The following RPGR variants were observed in gnomAD, a reference collection of about 807,000 sequenced individuals.
The protein encoded by RPGR is retinitis pigmentosa GTPase regulator, also known as X-linked retinitis pigmentosa GTPase regulator.
Under a neutral mutation model 56.3 loss-of-function variants are expected in RPGR, and 10 were observed. The ratio of observed to expected loss-of-function variants is 0.18; its 90% confidence interval spans 0.11 to 0.30. The LOEUF (loss-of-function observed/expected upper bound fraction) is 0.30, where lower values mean the gene tolerates loss of function less well. Among genes scored for constraint, RPGR ranks in the 10% least tolerant of loss-of-function variants. The probability of loss-of-function intolerance (pLI) is 1.00; values close to 1 mark genes in which losing one functional copy is unlikely to be tolerated. For missense variants in RPGR, 538 were observed against 590.9 expected (o/e 0.91, Z 0.93); for synonymous variants, 197 against 212.9 (o/e 0.93, Z 0.65).
At chrX:38,271,849 C>T (rs1397318665) in intron 18 of RPGR, among the ~76,000 whole-genome samples, 1 of 111,890 alleles carries the variant, frequency 8.9e-6, no homozygotes, top group Non-Finnish European at 1.9e-5. Flanking sequence ...AAGGATGACA[C>T]TGGAATTACT....
chrX:38,325,209 G>T (rs1482993129), intron 1 of RPGR, among the ~76,000 whole-genome samples: 2 of 105,054 alleles, frequency 1.9e-5, no homozygotes, highest in East Asian at 5.9e-4. Flanking sequence ...GCTTTTCTGT[G>T]TTGAAACACA....
At chrX:38,274,615 G>C (rs2066898202) in intron 17 of RPGR, among the ~76,000 whole-genome samples, 1 of 111,637 alleles carries the variant, frequency 9.0e-6, no homozygotes, top group South Asian at 3.8e-4. Flanking sequence ...AGGAGTTTGA[G>C]ACTCGCCTGG....
chrX:38,315,834 T>C (rs199627362), intron 6 of RPGR, among the ~76,000 whole-genome samples: 2 of 88,414 alleles, frequency 2.3e-5, no homozygotes, highest in East Asian at 3.1e-4. Flanking sequence ...TATATATATA[T>C]ATATAGAGAG....
intron 6 of RPGR, among the ~76,000 whole-genome samples, chrX:38,311,143 TTGTGG>T (rs2067709757): frequency 8.9e-6 from 1 of 112,606 alleles, no homozygotes; most frequent in South Asian, 3.6e-4. Flanking sequence ...CACTTAATAT[TTGTGG>T]AATAAATGAA....
At chrX:38,292,414 C>A (rs1468990096) in intron 11 of RPGR, among the ~76,000 whole-genome samples, 1 of 112,157 alleles carries the variant, frequency 8.9e-6, no homozygotes, top group Non-Finnish European at 1.9e-5. Context: ...CTCTACTTGA[C>A]TTTACATTTT....
chrX:38,291,939 C>T (rs1385787267), intron 11 of RPGR, among the ~76,000 whole-genome samples: 1 of 111,892 alleles, frequency 8.9e-6, no homozygotes, highest in Non-Finnish European at 1.9e-5. Context: ...TTTGGTTATA[C>T]ACGTATGCGC....
At chrX:38,315,528 GA>G (rs1289803802) in intron 6 of RPGR, among the ~76,000 whole-genome samples, 1 of 111,336 alleles carries the variant, frequency 9.0e-6, no homozygotes, top group Non-Finnish European at 1.9e-5. Flanking sequence ...GAAACTCATG[GA>G]AATAAAGAGT....
At chrX:38,288,106 T>A in intron 13 of RPGR, 65 bp from the exon 14 acceptor site, 1 of 914,596 alleles carries the variant, frequency 1.1e-6, no homozygotes, top group South Asian at 2.0e-5. Flanking sequence ...ACAACTTATC[T>A]ACTTTAAATA....
At position 38,275,153 on chromosome X, in the gene RPGR, A is replaced by G. The variant is rs1303946668; in HGVS notation, c.2092-7T>C. 8.3e-7 allele frequency: 1 copy of G among 1,200,860 alleles called. No individual in the cohort carries two copies. The highest frequency in any genetic ancestry group is 1.1e-6 in the Non-Finnish European group (1 of 885,886). On this transcript the variant is annotated splice_region_variant and splice_polypyrimidine_tract_variant and intron_variant, in intron 16 of 18. Coordinates refer to ENST00000642395, the MANE Select transcript of RPGR (RefSeq NM_000328.3). ...CTAGGTTGGCTTTTTCTTTCTATAA[A>G]CAATAACAAAGCAATATAACAAAAA...
chrX:38,293,859 T>C (rs892540496), intron 11 of RPGR, among the ~76,000 whole-genome samples: 26 of 111,406 alleles, frequency 2.3e-4, no homozygotes, highest in African/African-American at 7.2e-4. Context: ...TCCTTATACT[T>C]TCTCTCTTCT....
chrX:38,302,990 T>C (rs774649882), intron 8 of RPGR, among the ~76,000 whole-genome samples: 7 of 109,877 alleles, frequency 6.4e-5, no homozygotes, highest in African/African-American at 2.3e-4. Context: ...TTGAATATAG[T>C]AGAGATGGGG....
chrX:38,312,609 C>A (rs1403171398), intron 6 of RPGR, among the ~76,000 whole-genome samples: 3 of 111,612 alleles, frequency 2.7e-5, no homozygotes, highest in Admixed American at 9.5e-5. Flanking sequence ...TCTTTTGAGT[C>A]ACATCCTCCC....
At chrX:38,321,672 A>AC (rs397896040) in intron 3 of RPGR, among the ~76,000 whole-genome samples, 1 of 108,123 alleles carries the variant, frequency 9.2e-6, no homozygotes, top group African/African-American at 3.4e-5. Flanking sequence ...AAAAAAAAAA[A>AC]CAACAACTTC....
intron 8 of RPGR, chrX:38,303,559 T>C: frequency 7.5e-6 from 2 of 264,952 alleles, no homozygotes; most frequent in East Asian, 1.1e-4. Flanking sequence ...AAAGTGACAT[T>C]AGGACCCTAT....
In RPGR at chrX:38,322,912, T is replaced by C; in HGVS notation, c.188A>G (p.Asn63Ser). 1.7e-6 allele frequency: 2 copies of C among 1,208,681 alleles called. No individual in the cohort carries two copies. Among genetic ancestry groups the C allele is most frequent in the South Asian group, 1.8e-5 (1 of 56,968 alleles). ...TGATCCTAATCCTAACTGACCCCAGTTGTTACTGCCAAACATGTAAAGTTT... is the reference window on the plus strand; with the variant it reads ...TGATCCTAATCCTAACTGACCCCAGCTGTTACTGCCAAACATGTAAAGTTT... Residue 63 changes from asparagine (N) to serine (S), a missense_variant, in exon 3 of 19, where the codon AAC becomes AGC. Transcript: ENST00000642395.
intron 4 of RPGR, among the ~76,000 whole-genome samples, chrX:38,319,645 A>T (rs959046477): frequency 8.9e-6 from 1 of 112,127 alleles, no homozygotes; most frequent in East Asian, 2.8e-4. Context: ...TACCTACTTC[A>T]TAGAGTTGTT....
intron 18 of RPGR, among the ~76,000 whole-genome samples, chrX:38,270,458 C>CAAAAA (rs771458538): frequency 0.028 from 2,172 of 76,493 alleles, 112 homozygotes; most frequent in African/African-American, 0.096. Context: ...ACTACAAATA[C>CAAAAA]AAAAAAAAAA....
chrX:38,321,160 A>G, intron 3 of RPGR, 71 bp from the exon 4 acceptor site: 1 of 773,657 alleles, frequency 1.3e-6, no homozygotes, highest in Admixed American at 2.4e-5. Flanking sequence ...ACAAATGGTA[A>G]CTAAGTGATA....
rs2067388994 is a variant in RPGR at position 38,296,546 on chromosome X, G to GT, written c.1414+737dup. 1.8e-5 allele frequency among the ~76,000 whole-genome samples: 2 copies of GT among 111,295 alleles called. 1 individual carries two copies. The highest frequency in any genetic ancestry group is 1.9e-4 in the Admixed American group (2 of 10,456). ...GATTACAAATTAAAACATGAAATCT[G>GT]TATCTAATAGGTAGTGACGCAAAGG... On this transcript the variant is annotated intron_variant, in intron 11 of 18. Transcript: ENST00000642395.
Sources: gnomAD v4.1 joint callset for allele counts (sites outside exome capture counted in the v4.1 genomes callset) on GRCh38, gnomAD v4.1.1 for gene constraint, MANE v1.5 for transcripts, NCBI Gene and HGNC (gene_info 2026-07-23, HGNC 2026-07-21) for gene names.